LINC02747: variants seen among roughly 807,000 people sequenced by gnomAD.
LINC02747 encodes the protein long independently transcribed non-coding RNA 2747.
At chr11:69,480,435 G>A (rs186377734) in intron 1 of LINC02747, among the ~76,000 whole-genome samples, 44 of 152,298 alleles carry the variant, frequency 2.9e-4, no homozygotes, top group Non-Finnish European at 5.1e-4. Flanking sequence ...CAATGTTGTC[G>A]TCCCCTTGGC....
chr11:69,481,130 A>G (rs1857044556), intron 1 of LINC02747, among the ~76,000 whole-genome samples: 1 of 152,234 alleles, frequency 6.6e-6, no homozygotes, highest in Admixed American at 6.5e-5. Context: ...CTTCCGTCAG[A>G]GCAGCCACTG....
At chr11:69,478,385 CT>C (rs1278307341) in intron 1 of LINC02747, among the ~76,000 whole-genome samples, 4 of 152,144 alleles carry the variant, frequency 2.6e-5, no homozygotes, top group Non-Finnish European at 5.9e-5. Flanking sequence ...GCCTCCACCC[CT>C]GTGCTGAGCC....
chr11:69,476,943 CG>C, exon 2 of LINC02747: 1 of 152,380 alleles, frequency 6.6e-6, no homozygotes, highest in South Asian at 2.1e-4. Context: ...GCTGAAGGCT[CG>C]GGCTCGGGGG....
chr11:69,478,326 G>A (rs1857015022), intron 1 of LINC02747, among the ~76,000 whole-genome samples: 1 of 152,028 alleles, frequency 6.6e-6, no homozygotes, highest in Non-Finnish European at 1.5e-5. Context: ...CCCTGCACAG[G>A]TACCGAGAGG....
At chr11:69,479,083 T>C (rs1358065687) in intron 1 of LINC02747, among the ~76,000 whole-genome samples, 1 of 151,558 alleles carries the variant, frequency 6.6e-6, no homozygotes, top group Non-Finnish European at 1.5e-5. Context: ...GATGAAACCC[T>C]GTCTCTACTA....
chr11:69,476,533 C>A (rs1856996756), exon 2 of LINC02747: 1 of 152,140 alleles, frequency 6.6e-6, no homozygotes, highest in Non-Finnish European at 1.5e-5. Flanking sequence ...GTGACCCCTT[C>A]TTCACCCCGA....
At chr11:69,478,509 G>C (rs1231838908) in intron 1 of LINC02747, among the ~76,000 whole-genome samples, 1 of 152,164 alleles carries the variant, frequency 6.6e-6, no homozygotes, top group Non-Finnish European at 1.5e-5. Context: ...CTCCCCAGAT[G>C]GATGTGTTTT....
chr11:69,478,049 G>T (rs1857012502), intron 1 of LINC02747, among the ~76,000 whole-genome samples: 3 of 152,168 alleles, frequency 2.0e-5, no homozygotes, highest in Admixed American at 2.0e-4. Flanking sequence ...CAAAATGGGT[G>T]CAAGTTCTTT....
exon 2 of LINC02747, chr11:69,476,422 C>G (rs967566750): frequency 6.6e-6 from 1 of 152,224 alleles, no homozygotes; most frequent in Non-Finnish European, 1.5e-5. Flanking sequence ...GTCGGGAGCA[C>G]GTGCCTGGGG....
chr11:69,477,606 C>T (rs894851331), exon 2 of LINC02747: 1 of 152,182 alleles, frequency 6.6e-6, no homozygotes, highest in African/African-American at 2.4e-5. Context: ...CTGTCACAAC[C>T]TGGCTGCCTG....
At chr11:69,477,925 T>C (rs967384511) in intron 1 of LINC02747, among the ~76,000 whole-genome samples, 2 of 152,068 alleles carry the variant, frequency 1.3e-5, no homozygotes, top group African/African-American at 2.4e-5. Flanking sequence ...CATCCAACCA[T>C]GTGCAGGGCC....
intron 1 of LINC02747, among the ~76,000 whole-genome samples, chr11:69,478,568 C>A (rs570267932): frequency 6.6e-6 from 1 of 152,166 alleles, no homozygotes; most frequent in African/African-American, 2.4e-5. Flanking sequence ...TTAGGCTGGG[C>A]GAGGTGGCTC....
At chr11:69,478,267 A>G (rs1373322415) in intron 1 of LINC02747, among the ~76,000 whole-genome samples, 1 of 152,132 alleles carries the variant, frequency 6.6e-6, no homozygotes, top group Non-Finnish European at 1.5e-5. Flanking sequence ...CAGCCCAACA[A>G]CGGAGTGGAG....
exon 1 of LINC02747, chr11:69,481,462 C>T (rs1942317232): frequency 6.6e-6 from 1 of 152,434 alleles, no homozygotes; most frequent in South Asian, 2.1e-4. Context: ...CAGGGCTTCT[C>T]TGACAGTCCA....
At chr11:69,479,259 A>C (rs1246743153) in intron 1 of LINC02747, among the ~76,000 whole-genome samples, 1 of 150,042 alleles carries the variant, frequency 6.7e-6, no homozygotes, top group Non-Finnish European at 1.5e-5. Context: ...TGTCTCAAAA[A>C]AAAAAAAAAA....
At chr11:69,479,012 T>G (rs1485382519) in intron 1 of LINC02747, among the ~76,000 whole-genome samples, 1 of 152,048 alleles carries the variant, frequency 6.6e-6, no homozygotes, top group Non-Finnish European at 1.5e-5. Context: ...CCCAGCACTT[T>G]GGGAGGCTGA....
exon 2 of LINC02747, chr11:69,477,047 G>T (rs1298692034): frequency 6.6e-6 from 1 of 152,270 alleles, no homozygotes; most frequent in Non-Finnish European, 1.5e-5. Context: ...GACTGAGTGA[G>T]CATTCTTAAC....
chr11:69,479,508 G>A (rs1321623283), intron 1 of LINC02747, among the ~76,000 whole-genome samples: 10 of 152,062 alleles, frequency 6.6e-5, no homozygotes, highest in African/African-American at 2.2e-4. Context: ...TGCACATTTG[G>A]GATGAGAGAA....
intron 1 of LINC02747, among the ~76,000 whole-genome samples, chr11:69,479,299 G>A (rs1011305305): frequency 6.7e-6 from 1 of 149,086 alleles, no homozygotes; most frequent in African/African-American, 2.5e-5. Context: ...AGAGGAGAGA[G>A]AGAGAAAAGA....
Sources: gnomAD v4.1 joint callset for allele counts (sites outside exome capture counted in the v4.1 genomes callset) on GRCh38, gnomAD v4.1.1 for gene constraint, MANE v1.5 for transcripts, NCBI Gene and HGNC (gene_info 2026-07-23, HGNC 2026-07-21) for gene names.